The following SDK1 variants were observed in gnomAD, a reference collection of about 807,000 sequenced individuals.
The protein encoded by SDK1 is protein sidekick-1.
Under a neutral mutation model 245.5 loss-of-function variants are expected in SDK1, and 157 were observed. The ratio of observed to expected loss-of-function variants is 0.64; its 90% CI spans 0.56 to 0.73. SDK1 has a LOEUF of 0.73. Among genes scored for constraint, SDK1 ranks in the 30% least tolerant of loss-of-function variants. The pLI, the probability that SDK1 is intolerant of heterozygous loss-of-function variation, is 0.00. For synonymous variants in SDK1, 1,647 were observed against 1,278.5 expected, an observed-to-expected ratio of 1.29 and a Z score of -6.15; for missense variants, 3,583 against 3,002.3, an observed-to-expected ratio of 1.19 and a Z score of -4.52.
intron 44 of SDK1, among the ~76,000 whole-genome samples, chr7:4,254,514 A>C (rs999054459): frequency 3.0e-4 from 46 of 152,054 alleles, no homozygotes; most frequent in Non-Finnish European, 6.5e-4. Flanking sequence ...AATTGTCATC[A>C]TACCTTTAAT....
intron 5 of SDK1, among the ~76,000 whole-genome samples, chr7:3,849,550 G>C (rs1003277821): frequency 4.6e-5 from 7 of 152,148 alleles, no homozygotes; most frequent in African/African-American, 9.7e-5. Context: ...GGTTGAGAGG[G>C]TAATTTTTGA....
rs1318596792 is a variant in SDK1, at chr7:3,649,251, G to A, written c.713+7146G>A. 2.0e-5 allele frequency among the ~76,000 whole-genome samples: 3 copies of A among 152,202 alleles called. No homozygotes were observed. In the East Asian group the frequency reaches 5.8e-4, roughly 29 times the overall value. ...GGTTGAATTGAGTGACTAAGGACAG[G>A]TCCTCTGTGGAGGTGACATTTTAAA... On this transcript the variant is annotated intron_variant, in intron 4 of 44. Coordinates refer to ENST00000404826, the MANE Select transcript of SDK1 (RefSeq NM_152744.4).
chr7:4,227,363 C>G (rs1252801028), intron 40 of SDK1: 3 of 470,834 alleles, frequency 6.4e-6, no homozygotes, highest in Non-Finnish European at 1.3e-5. Context: ...CACGGGCTTT[C>G]TTCGTCATCT....
intron 1 of SDK1, among the ~76,000 whole-genome samples, chr7:3,543,042 A>G (rs1057313157): frequency 6.6e-6 from 1 of 152,170 alleles, no homozygotes; most frequent in Non-Finnish European, 1.5e-5. Context: ...TTTTGTTCTC[A>G]TCTCCATCTG....
chr7:3,960,041 A>G (rs74863294), intron 8 of SDK1, among the ~76,000 whole-genome samples: 2,355 of 152,298 alleles, frequency 0.015, 71 homozygotes, highest in African/African-American at 0.055. Flanking sequence ...GTTTATACCC[A>G]TCCGTCCTAA....
intron 1 of SDK1, among the ~76,000 whole-genome samples, chr7:3,321,152 A>G (rs1444946994): frequency 6.6e-6 from 1 of 152,220 alleles, no homozygotes; most frequent in Non-Finnish European, 1.5e-5. Flanking sequence ...TACGTGAAAT[A>G]AAATCTTTTT....
At chr7:3,761,567 AT>A (rs1172268371) in intron 4 of SDK1, among the ~76,000 whole-genome samples, 5 of 149,698 alleles carry the variant, frequency 3.3e-5, no homozygotes, top group African/African-American at 1.0e-4. Flanking sequence ...AAAAAAAAAA[AT>A]AATAATAATA....
chr7:3,607,272 T>C (rs896191139), intron 1 of SDK1, among the ~76,000 whole-genome samples: 1 of 152,234 alleles, frequency 6.6e-6, no homozygotes, highest in Non-Finnish European at 1.5e-5. Flanking sequence ...CCTTAGATCC[T>C]TAATATTCCA....
intron 40 of SDK1, among the ~76,000 whole-genome samples, chr7:4,229,910 C>G (rs1785643237): frequency 6.6e-6 from 1 of 151,628 alleles, no homozygotes; most frequent in Admixed American, 6.6e-5. Context: ...GCCTGCTGTA[C>G]TAGGCCCTGA....
intron 1 of SDK1, among the ~76,000 whole-genome samples, chr7:3,507,272 C>T (rs766063865): frequency 5.3e-5 from 8 of 152,144 alleles, no homozygotes; most frequent in Non-Finnish European, 7.4e-5. Flanking sequence ...ACATGTGCAG[C>T]GTAGTATTCA....
chr7:4,018,560 G>T (rs1562677755), intron 17 of SDK1, among the ~76,000 whole-genome samples: 1 of 152,218 alleles, frequency 6.6e-6, no homozygotes, highest in Non-Finnish European at 1.5e-5. Context: ...GCTTTAACTG[G>T]TCTATTTAAT....
chr7:3,736,556 G>A (rs1227175935), intron 4 of SDK1, among the ~76,000 whole-genome samples: 1 of 152,168 alleles, frequency 6.6e-6, no homozygotes, highest in Non-Finnish European at 1.5e-5. Flanking sequence ...ACAGGCGTGA[G>A]CCACCATGCC....
At chr7:3,342,286 T>C (rs1583709013) in intron 1 of SDK1, among the ~76,000 whole-genome samples, 1 of 152,228 alleles carries the variant, frequency 6.6e-6, no homozygotes, top group East Asian at 1.9e-4. Flanking sequence ...GTAAAACTCT[T>C]AGGCAAAAAA....
chr7:3,588,241 G>A (rs1403387392), intron 1 of SDK1, among the ~76,000 whole-genome samples: 2 of 152,190 alleles, frequency 1.3e-5, no homozygotes, highest in Non-Finnish European at 2.9e-5. Context: ...GAGGGATTTG[G>A]TGAAAAGCCT....
At chr7:3,915,367 A>G (rs550704844) in intron 5 of SDK1, among the ~76,000 whole-genome samples, 1 of 152,298 alleles carries the variant, frequency 6.6e-6, no homozygotes, top group East Asian at 1.9e-4. Context: ...TGTAGCTCCC[A>G]TAATTCCCAC....
intron 1 of SDK1, among the ~76,000 whole-genome samples, chr7:3,528,137 T>G (rs1473661452): frequency 1.5e-5 from 2 of 134,466 alleles, no homozygotes; most frequent in Non-Finnish European, 3.1e-5. Flanking sequence ...ACGGGGTGAA[T>G]GGTAGGAGGT....
At chr7:4,234,400 C>T (rs1786014357) in intron 41 of SDK1, among the ~76,000 whole-genome samples, 1 of 152,128 alleles carries the variant, frequency 6.6e-6, no homozygotes, top group African/African-American at 2.4e-5. Context: ...ACAGACATGT[C>T]TGCAGTCAGC....
intron 4 of SDK1, among the ~76,000 whole-genome samples, chr7:3,735,309 G>C (rs1244844105): frequency 6.6e-6 from 1 of 152,082 alleles, no homozygotes; most frequent in Non-Finnish European, 1.5e-5. Context: ...TACTTGCTAA[G>C]CAGTGACTCT....
chr7:3,512,811 T>C (rs1033420081), intron 1 of SDK1, among the ~76,000 whole-genome samples: 1 of 152,198 alleles, frequency 6.6e-6, no homozygotes, highest in Non-Finnish European at 1.5e-5. Flanking sequence ...TTCCATCTGT[T>C]TTTTTTCCAT....
Sources: gnomAD v4.1 joint callset for allele counts (sites outside exome capture counted in the v4.1 genomes callset) on GRCh38, gnomAD v4.1.1 for gene constraint, MANE v1.5 for transcripts, NCBI Gene and HGNC (gene_info 2026-07-23, HGNC 2026-07-21) for gene names.